The following RASAL2 variants were observed in gnomAD, a reference collection of about 807,000 sequenced individuals.
RASAL2 encodes the protein RAS protein activator like 2.
In RASAL2, 58 loss-of-function variants were observed where a neutral mutation model predicts 128.9. The ratio of observed to expected loss-of-function variants is 0.45; its 90% CI spans 0.36 to 0.56. RASAL2 has a LOEUF of 0.56. RASAL2 is among the 20% of genes least tolerant of loss of function. The probability of loss-of-function intolerance (pLI) is 0.00; values close to 1 mark genes in which losing one functional copy is unlikely to be tolerated. For synonymous variants in RASAL2, 561 were observed against 580.8 expected (o/e 0.97, Z 0.49); for missense variants, 1,360 against 1,601.6 (o/e 0.85, Z 2.57).
At chr1:178,132,963 C>T (rs1660177542) in intron 1 of RASAL2, among the ~76,000 whole-genome samples, 1 of 151,898 alleles carries the variant, frequency 6.6e-6, no homozygotes, top group African/African-American at 2.4e-5. Context: ...GAGACAGAGT[C>T]CATGTCAGCC....
Position 178,403,688 on chromosome 1 carries a change from T to C in RASAL2, c.564+13482T>C, listed in dbSNP as rs192849254. ...ACACAAGAGTAAACTCCAAATGGATTAGGGATCTAAAATGTGAAAAAAAAG... is the reference window on the plus strand; with the variant it reads ...ACACAAGAGTAAACTCCAAATGGATCAGGGATCTAAAATGTGAAAAAAAAG... On this transcript the variant is annotated intron_variant, in intron 4 of 17. Coordinates refer to ENST00000367649, the MANE Select transcript of RASAL2 (RefSeq NM_170692.4). Among the ~76,000 whole-genome samples the C allele has an allele frequency of 1.2e-4, 19 of 152,100 alleles. No individual in the cohort carries two copies. The East Asian group carries it at 1.9e-3, about 16-fold the overall frequency.
chr1:178,329,863 A>G (rs1198998425), intron 3 of RASAL2, among the ~76,000 whole-genome samples: 2 of 152,070 alleles, frequency 1.3e-5, no homozygotes, highest in African/African-American at 2.4e-5. Flanking sequence ...AAAAAGGACA[A>G]GAGAAAGACA....
intron 1 of RASAL2, among the ~76,000 whole-genome samples, chr1:178,200,433 A>G (rs1662824187): frequency 6.6e-6 from 1 of 152,224 alleles, no homozygotes; most frequent in Admixed American, 6.5e-5. Context: ...CTTTGACCAT[A>G]TATGGAGAAC....
chr1:178,136,506 A>G (rs1660328032), intron 1 of RASAL2, among the ~76,000 whole-genome samples: 1 of 152,142 alleles, frequency 6.6e-6, no homozygotes, highest in African/African-American at 2.4e-5. Flanking sequence ...CTGTAGTCCC[A>G]GCACTTTGGG....
intron 2 of RASAL2, among the ~76,000 whole-genome samples, chr1:178,294,433 A>T (rs991633385): frequency 7.2e-5 from 11 of 152,328 alleles, no homozygotes; most frequent in Admixed American, 5.2e-4. Context: ...TATGTAAAGG[A>T]TAGGTTTAAG....
chr1:178,268,227 T>C (rs1486938113), intron 1 of RASAL2, among the ~76,000 whole-genome samples: 4 of 152,046 alleles, frequency 2.6e-5, no homozygotes, highest in Non-Finnish European at 4.4e-5. Flanking sequence ...CCCAGCACTT[T>C]AGGAGGCCGA....
At chr1:178,141,959 A>G (rs1660549595) in intron 1 of RASAL2, among the ~76,000 whole-genome samples, 1 of 152,096 alleles carries the variant, frequency 6.6e-6, no homozygotes, top group Non-Finnish European at 1.5e-5. Flanking sequence ...CATTCTCCAT[A>G]GGAGCTCTTG....
At chr1:178,151,691 C>T (rs1660920285) in intron 1 of RASAL2, among the ~76,000 whole-genome samples, 1 of 152,146 alleles carries the variant, frequency 6.6e-6, no homozygotes, top group South Asian at 2.1e-4. Context: ...TAGTGTAGTC[C>T]CCTTCCACAT....
At chr1:178,457,122 G>A (rs1354830910) in intron 13 of RASAL2, among the ~76,000 whole-genome samples, 5 of 152,158 alleles carry the variant, frequency 3.3e-5, no homozygotes, top group African/African-American at 4.8e-5. Context: ...TATTCCACAA[G>A]CATATTTTTA....
rs74131365 is a variant in RASAL2, at chr1:178,450,684, C to T, written c.1628-887C>T. ...ATATTTAGGAGGATCTTTGAAAGATCCACTCCTCTTTCATAAAGACCTATA... is the reference window on the plus strand; with the variant it reads ...ATATTTAGGAGGATCTTTGAAAGATTCACTCCTCTTTCATAAAGACCTATA... On this transcript the variant is annotated intron_variant, in intron 9 of 17. Coordinates refer to ENST00000367649, the MANE Select transcript of RASAL2 (RefSeq NM_170692.4). 5.6e-3 allele frequency among the ~76,000 whole-genome samples: 845 copies of T among 152,176 alleles called. 11 individuals are homozygous for T. Among genetic ancestry groups the T allele is most frequent in the African/African-American group, 0.019 (790 of 41,538 alleles).
intron 1 of RASAL2, among the ~76,000 whole-genome samples, chr1:178,198,933 A>G (rs976574470): frequency 2.6e-5 from 4 of 152,196 alleles, no homozygotes; most frequent in Non-Finnish European, 5.9e-5. Context: ...GGTGGAGTCT[A>G]CAGAGGCAAG....
chr1:178,113,417 A>G (rs1377261591), intron 1 of RASAL2, among the ~76,000 whole-genome samples: 3 of 151,142 alleles, frequency 2.0e-5, no homozygotes, highest in Admixed American at 1.3e-4. Context: ...CAATCTTCCC[A>G]CCTCAGATTC....
In RASAL2 at chr1:178,158,904, C is replaced by T. The variant is rs375459686; in HGVS notation, c.202+64210C>T. Among the ~76,000 whole-genome samples, 6 of 152,260 alleles carry T rather than the reference C, an allele frequency of 3.9e-5. No homozygotes were observed. In the East Asian group the frequency reaches 1.2e-3, roughly 29 times the overall value. The stretch of plus-strand genomic sequence containing the variant: ...CTGAGGCTAAAGGGCATGAGACAAA[C>T]ATACTTTATGCAAATATTAAAGTAT... On this transcript the variant is annotated intron_variant, in intron 1 of 17. Transcript: ENST00000367649.
chr1:178,328,485 A>G (rs952166392), intron 3 of RASAL2, among the ~76,000 whole-genome samples: 2 of 152,230 alleles, frequency 1.3e-5, no homozygotes, highest in Non-Finnish European at 1.5e-5. Context: ...ATCAAATATT[A>G]GATCTTACTT....
intron 3 of RASAL2, among the ~76,000 whole-genome samples, chr1:178,387,869 A>G (rs765825311): frequency 1.4e-4 from 22 of 152,250 alleles, no homozygotes; most frequent in Non-Finnish European, 2.5e-4. Flanking sequence ...TATAGTTTCA[A>G]ATAGTTAAAA....
rs1389269107 is a variant in RASAL2, at chr1:178,116,637, T to A, written c.202+21943T>A. 2.6e-5 allele frequency among the ~76,000 whole-genome samples: 4 copies of A among 152,046 alleles called. No homozygotes were observed. The South Asian group carries it at 6.2e-4, about 24-fold the overall frequency. On this transcript the variant is annotated intron_variant, in intron 1 of 17. Coordinates refer to ENST00000367649, the MANE Select transcript of RASAL2 (RefSeq NM_170692.4). ...TTATTTTATTTTTTTTGAGACGGAG[T>A]CTTGCTCTGTCGCCCAGGCTTGAGT...
At chr1:178,311,825 A>G (rs1186106357) in intron 3 of RASAL2, among the ~76,000 whole-genome samples, 2 of 152,090 alleles carry the variant, frequency 1.3e-5, no homozygotes, top group Non-Finnish European at 2.9e-5. Flanking sequence ...ACATACAAAA[A>G]AAGAAGAAGA....
At chr1:178,265,929 A>G (rs1234017611) in intron 1 of RASAL2, among the ~76,000 whole-genome samples, 3 of 152,168 alleles carry the variant, frequency 2.0e-5, no homozygotes, top group Non-Finnish European at 4.4e-5. Flanking sequence ...ATTGTTTTCT[A>G]TAGTTATAGT....
At chr1:178,098,690 A>G (rs1351067927) in intron 1 of RASAL2, among the ~76,000 whole-genome samples, 2 of 152,218 alleles carry the variant, frequency 1.3e-5, no homozygotes, top group Non-Finnish European at 2.9e-5. Flanking sequence ...AAAGGGATCA[A>G]CAAGAAATCT....
Sources: gnomAD v4.1 joint callset for allele counts (sites outside exome capture counted in the v4.1 genomes callset) on GRCh38, gnomAD v4.1.1 for gene constraint, MANE v1.5 for transcripts, NCBI Gene and HGNC (gene_info 2026-07-23, HGNC 2026-07-21) for gene names.